Variants in FBXO11 observed in about 807,000 individuals in gnomAD.
FBXO11 encodes F-box only protein 11.
Under a neutral mutation model 117.0 loss-of-function variants are expected in FBXO11, and 13 were observed. The ratio of observed to expected loss-of-function variants is 0.11; its 90% CI spans 0.07 to 0.18. The LOEUF (loss-of-function observed/expected upper bound fraction) is 0.18. FBXO11 is among the 10% of genes least tolerant of loss of function. FBXO11 has a pLI of 1.00. For synonymous variants in FBXO11, 490 were observed against 380.5 expected, an observed-to-expected ratio of 1.29 and a Z score of -3.35; for missense variants, 767 against 1,164.4, an observed-to-expected ratio of 0.66 and a Z score of 4.97.
intron 1 of FBXO11, among the ~76,000 whole-genome samples, chr2:47,880,404 A>G (rs1309773131): frequency 2.6e-5 from 4 of 152,052 alleles, no homozygotes; most frequent in Non-Finnish European, 5.9e-5. Context: ...TTATTCATTG[A>G]TCTGTTTGGT....
chr2:47,869,723 T>C (rs568973072), intron 1 of FBXO11, among the ~76,000 whole-genome samples: 5 of 152,358 alleles, frequency 3.3e-5, no homozygotes, highest in South Asian at 2.1e-4. Context: ...AGTTATAGGA[T>C]TTCAAGAAGA....
chr2:47,833,238 A>C, intron 7 of FBXO11, among the ~76,000 whole-genome samples, 168 bp from the exon 8 acceptor site: 1 of 152,228 alleles, frequency 6.6e-6, no homozygotes, highest in East Asian at 1.9e-4. Flanking sequence ...AAATCCATGC[A>C]CAGTATTACT....
intron 1 of FBXO11, among the ~76,000 whole-genome samples, chr2:47,880,527 TA>T (rs754547576): frequency 2.6e-5 from 4 of 152,228 alleles, no homozygotes; most frequent in Non-Finnish European, 5.9e-5. Context: ...TTTATAAAAT[TA>T]AAAAACATTG....
chr2:47,834,851 C>T lies in FBXO11; in HGVS notation c.738G>A (p.Lys246=). The change falls in exon 6 of 23, where the codon AAG becomes AAA. Residue 246 remains lysine (K), a synonymous_variant. Transcript: ENST00000403359. ...TGTAGAAATGTTCAGCAAATCCTGG[C>T]TTTACATGTGCACCTTTATACTAAA... is the stretch of plus-strand genomic sequence containing the variant. The part of the protein sequence containing the change: ...FQQLYKGAHV[K]PGFAEHFYSN... 1.9e-6 allele frequency: 3 copies of T among 1,613,498 alleles called. No individual in the cohort carries two copies. Among genetic ancestry groups the T allele is most frequent in the South Asian group, 1.1e-5 (1 of 91,012 alleles).
intron 13 of FBXO11, among the ~76,000 whole-genome samples, chr2:47,821,248 C>T (rs909796968): frequency 2.0e-5 from 3 of 151,178 alleles, no homozygotes; most frequent in African/African-American, 7.3e-5. Context: ...GAGGCTGAAA[C>T]AGGCAGCTCA....
rs988222815 is a variant in FBXO11 at position 47,832,263 on chromosome 2, T to C, written c.1398+86A>G. The C allele has an allele frequency of 8.8e-6, 10 of 1,130,058 alleles. No individual in the cohort carries two copies. In the African/African-American group the frequency reaches 1.4e-4, roughly 16 times the overall value. The allele number at this position is 1,130,058 out of a possible 1,614,324, so 70.0% of individuals were successfully genotyped here. On this transcript the variant is annotated intron_variant, in intron 11 of 22. Transcript: ENST00000403359. ...ACCTATACTCTTCAATTCAGATAAT[T>C]TGGTGATGAGAAAATAATGCTGAAA...
chr2:47,849,612 T>C (rs1375452174), intron 1 of FBXO11, among the ~76,000 whole-genome samples: 2 of 152,206 alleles, frequency 1.3e-5, no homozygotes. Flanking sequence ...AATAATGCAG[T>C]GTGTCACATG....
At chr2:47,810,218 C>T in intron 19 of FBXO11, 98 bp downstream of exon 19, 1 of 758,902 alleles carries the variant, frequency 1.3e-6, no homozygotes, top group Non-Finnish European at 2.1e-6. Context: ...GCACACTTTG[C>T]ACATTTTAGT....
At chr2:47,876,144 T>C (rs186229897) in intron 1 of FBXO11, among the ~76,000 whole-genome samples, 14 of 152,340 alleles carry the variant, frequency 9.2e-5, no homozygotes, top group South Asian at 2.1e-4. Flanking sequence ...AGCCACAAAA[T>C]AGCTATTTAG....
intron 1 of FBXO11, among the ~76,000 whole-genome samples, chr2:47,841,024 C>G (rs1326702141): frequency 2.6e-5 from 4 of 151,870 alleles, no homozygotes; most frequent in Non-Finnish European, 5.9e-5. Flanking sequence ...CAGTGAAACC[C>G]CATCTCTACT....
chr2:47,838,761 G>C (rs1452364401), intron 4 of FBXO11, 98 bp downstream of exon 4: 4 of 1,091,276 alleles, frequency 3.7e-6, no homozygotes, highest in Non-Finnish European at 5.3e-6. Flanking sequence ...CCAACTAATT[G>C]TAACTACCAA....
chr2:47,813,051 AAGT>A, intron 18 of FBXO11, 180 bp downstream of exon 18: 1 of 638,714 alleles, frequency 1.6e-6, no homozygotes, highest in Non-Finnish European at 2.8e-6. Flanking sequence ...ACAAAAGGAA[AAGT>A]ATTGTAAACA....
chr2:47,824,634 A>G (rs1671617290), intron 11 of FBXO11, among the ~76,000 whole-genome samples: 1 of 152,216 alleles, frequency 6.6e-6, no homozygotes, highest in African/African-American at 2.4e-5. Context: ...AAATGAAAAG[A>G]ACAAGTTTTA....
intron 1 of FBXO11, among the ~76,000 whole-genome samples, chr2:47,849,912 C>T (rs1201119082): frequency 6.6e-6 from 1 of 152,110 alleles, no homozygotes; most frequent in Non-Finnish European, 1.5e-5. Context: ...TAGACCTTAT[C>T]TTAAAAACAA....
At chr2:47,846,474 A>T (rs568848863) in intron 1 of FBXO11, among the ~76,000 whole-genome samples, 84 of 152,008 alleles carry the variant, frequency 5.5e-4, no homozygotes, top group South Asian at 4.8e-3. Flanking sequence ...TCAAAAAAAA[A>T]TTTTTTTTTA....
Position 47,820,574 on chromosome 2 carries a change from C to CA in FBXO11, c.1703-119dup, listed in dbSNP as rs1203345097. 5 of 682,630 alleles carry CA rather than the reference C, an allele frequency of 7.3e-6. No homozygotes were observed. The African/African-American group carries it at 9.0e-5, about 12-fold the overall frequency. The allele number at this position is 682,630 out of a possible 1,614,324, so 42.3% of individuals were successfully genotyped here. ...TAGAATTTTAGTGACCATTACAAGA[C>CA]AAAATTAAGAGAACTAGAAGTGTAA... On this transcript the variant is annotated intron_variant, in intron 13 of 22. Coordinates refer to ENST00000403359, the MANE Select transcript of FBXO11 (RefSeq NM_001190274.2).
intron 1 of FBXO11, among the ~76,000 whole-genome samples, chr2:47,878,439 C>A (rs1676173509): frequency 1.3e-5 from 2 of 151,980 alleles, no homozygotes; most frequent in Non-Finnish European, 2.9e-5. Context: ...CTGACTGCAA[C>A]CTCCACCTCT....
intron 1 of FBXO11, among the ~76,000 whole-genome samples, chr2:47,873,674 G>A (rs997131077): frequency 6.6e-6 from 1 of 152,106 alleles, no homozygotes; most frequent in Non-Finnish European, 1.5e-5. Flanking sequence ...ACTTTATTGG[G>A]TACACTAAGT....
At chr2:47,859,041 CAAAA>C (rs11337552) in intron 1 of FBXO11, among the ~76,000 whole-genome samples, 5 of 103,174 alleles carry the variant, frequency 4.8e-5, no homozygotes, top group Non-Finnish European at 5.9e-5. Context: ...ACTCTGTCTC[CAAAA>C]AAAAAAAAAA....
Sources: gnomAD v4.1 joint callset for allele counts (sites outside exome capture counted in the v4.1 genomes callset) on GRCh38, gnomAD v4.1.1 for gene constraint, MANE v1.5 for transcripts, NCBI Gene and HGNC (gene_info 2026-07-23, HGNC 2026-07-21) for gene names.